Variants in GTPBP4 observed in about 807,000 individuals in gnomAD.
GTPBP4 encodes GTP-binding protein 4.
Under a neutral mutation model 81.7 loss-of-function variants are expected in GTPBP4, and 15 were observed. The ratio of observed to expected loss-of-function variants is 0.18; its 90% CI spans 0.12 to 0.28. The LOEUF is 0.28. Among genes scored for constraint, GTPBP4 ranks in the 10% least tolerant of loss-of-function variants. GTPBP4 has a pLI of 1.00. For missense variants in GTPBP4, 847 were observed against 793.8 expected (o/e 1.07, Z -0.81); for synonymous variants, 272 against 274.6 (o/e 0.99, Z 0.09).
chr10:1,007,411 A>C, intron 10 of GTPBP4: 1 of 284,038 alleles, frequency 3.5e-6, no homozygotes. Context: ...TTCTTTAAAC[A>C]CAGATGGAAA....
At chr10:1,009,152 C>A in intron 11 of GTPBP4, 117 bp downstream of exon 11, 4 of 712,638 alleles carry the variant, frequency 5.6e-6, no homozygotes, top group South Asian at 5.0e-5. Context: ...CTGGCCCCGT[C>A]AGGCTGCGGA....
intron 12 of GTPBP4, among the ~76,000 whole-genome samples, chr10:1,010,088 CGTGTGGGTGTT>C (rs1564470305): frequency 8.0e-5 from 12 of 149,408 alleles, no homozygotes; most frequent in African/African-American, 2.9e-4. Flanking sequence ...GCTTTCTCCA[CGTGTGGGTGTT>C]GAATGAGGCT....
At chr10:999,231 G>T in intron 6 of GTPBP4, 136 bp downstream of exon 6, 1 of 621,760 alleles carries the variant, frequency 1.6e-6, no homozygotes, top group Non-Finnish European at 2.9e-6. Flanking sequence ...TGATTCTCCT[G>T]CCTCAGCCTT....
At chr10:1,016,009 G>A in intron 16 of GTPBP4, 113 bp downstream of exon 16, 3 of 953,140 alleles carry the variant, frequency 3.1e-6, no homozygotes, top group South Asian at 1.5e-5. Context: ...CAGGGGTTGT[G>A]TGTACTGCAT....
At chr10:1,005,962 A>C (rs762217391) in intron 9 of GTPBP4, 55 bp downstream of exon 9, 2 of 886,366 alleles carry the variant, frequency 2.3e-6, no homozygotes, top group Non-Finnish European at 3.6e-6. Context: ...TGTTTGATTC[A>C]AGTCAGTTGT....
In GTPBP4 at chr10:1,010,516, T is replaced by C. The variant is rs1238968824; in HGVS notation, c.1340T>C (p.Met447Thr). 1.4e-6 allele frequency: 2 copies of C among 1,465,782 alleles called. No homozygotes were observed. Among genetic ancestry groups the C allele is most frequent in the African/African-American group, 2.8e-5 (2 of 72,228 alleles). The allele number at this position is 1,465,782 out of a possible 1,614,324, so 90.8% of individuals were successfully genotyped here. Residue 447 changes from methionine to threonine, a missense_variant, in exon 13 of 17, where the codon ATG (methionine) becomes ACG (threonine). By Grantham distance (81) the Met-to-Thr change is moderately conservative (BLOSUM62 -1). Around this residue, in one of 3 missense-constraint regions of GTPBP4, gnomAD observed 600 missense variants for 557.1 expected, o/e 1.08. Coordinates refer to ENST00000360803, the MANE Select transcript of GTPBP4 (RefSeq NM_012341.3). ...GCTGATTATATTGATCCAGCCATCA[T>C]GAAGGTTTGTGTCACTTTTTAAATT... The part of the protein sequence containing the change: ...NIADYIDPAI[M>T]KKLEELEKEE...
chr10:998,888 G>T, intron 5 of GTPBP4, 115 bp from the exon 6 acceptor site: 1 of 683,722 alleles, frequency 1.5e-6, no homozygotes, highest in Admixed American at 2.2e-5. Flanking sequence ...CAGTTTTATC[G>T]TGTGAGGTTT....
chr10:1,007,990 A>G (rs182221582), intron 10 of GTPBP4: 2 of 516,026 alleles, frequency 3.9e-6, no homozygotes, highest in African/African-American at 1.9e-5. Flanking sequence ...TCTTTTTGTC[A>G]CTTGCCTTTT....
At chr10:995,222 G>A (rs1481776572) in intron 2 of GTPBP4, among the ~76,000 whole-genome samples, 1 of 152,228 alleles carries the variant, frequency 6.6e-6, no homozygotes, top group Non-Finnish European at 1.5e-5. Flanking sequence ...GAAGGGTGCT[G>A]TGGGGAGCAT....
Position 1,018,467 on chromosome 10 carries a change from C to T in GTPBP4, c.*1240C>T, listed in dbSNP as rs1832028445. The T allele has an allele frequency of 6.6e-6, 1 of 150,410 alleles. No homozygotes were observed. Among genetic ancestry groups the T allele is most frequent in the Admixed American group, 6.6e-5 (1 of 15,050 alleles). 9.3% of individuals were successfully genotyped at this position (150,410 alleles called of 1,614,324 possible). A position where few individuals can be genotyped will look rare whatever the true frequency, so the allele number is the denominator to read the frequency against. On this transcript the variant is annotated 3_prime_UTR_variant, in exon 17 of 17. Coordinates refer to ENST00000360803, the MANE Select transcript of GTPBP4 (RefSeq NM_012341.3). Reference sequence around the variant, plus strand: ...CCAGGTCTGGTTTTTGAAATTCTTTCTCCGTATTAAACACCAAAACTTAAC... The same window carrying T: ...CCAGGTCTGGTTTTTGAAATTCTTTTTCCGTATTAAACACCAAAACTTAAC...
chr10:988,829 G>A (rs1831389943), intron 1 of GTPBP4: 1 of 339,248 alleles, frequency 2.9e-6, no homozygotes, highest in South Asian at 5.4e-5. Flanking sequence ...GGGGCCCCGG[G>A]TGACGATGTG....
At chr10:1,012,899 T>C (rs1023693475) in intron 14 of GTPBP4, among the ~76,000 whole-genome samples, 1 of 152,222 alleles carries the variant, frequency 6.6e-6, no homozygotes, top group African/African-American at 2.4e-5. Flanking sequence ...CCAGTCATTT[T>C]GCAGTTGTAC....
intron 2 of GTPBP4, among the ~76,000 whole-genome samples, chr10:993,563 T>G (rs1434961905): frequency 6.6e-6 from 1 of 151,798 alleles, no homozygotes. Context: ...TTTCTTTAGC[T>G]GTAGAAAAGC....
At chr10:1,011,683 G>A (rs1163492630) in intron 13 of GTPBP4, among the ~76,000 whole-genome samples, 1 of 152,192 alleles carries the variant, frequency 6.6e-6, no homozygotes. Context: ...AGCAGATTCT[G>A]GGATAGCAGA....
At chr10:989,406 C>T (rs1227236649) in intron 1 of GTPBP4, among the ~76,000 whole-genome samples, 1 of 152,074 alleles carries the variant, frequency 6.6e-6, no homozygotes, top group Non-Finnish European at 1.5e-5. Flanking sequence ...TGAGCCACTG[C>T]GCCCGGCCCT....
chr10:1,016,853 C>T (rs1046680515), intron 16 of GTPBP4, among the ~76,000 whole-genome samples: 4 of 149,106 alleles, frequency 2.7e-5, no homozygotes, highest in African/African-American at 5.1e-5. Flanking sequence ...CTGTGCTGGG[C>T]TTAAGAGAAA....
intron 10 of GTPBP4, chr10:1,008,382 G>A: frequency 2.8e-6 from 1 of 356,196 alleles, no homozygotes; most frequent in Non-Finnish European, 5.5e-6. Context: ...TCCAGCCTGG[G>A]TGACAAGAGT....
chr10:1,019,273 A>G lies in GTPBP4; in HGVS notation c.*2046A>G. On this transcript the variant is annotated 3_prime_UTR_variant, in exon 17 of 17. Transcript: ENST00000360803. ...ATCAAACAAGTGCTTATAAAATGGA[A>G]ATTGGGACAAAGGAAATGTTAAATT... The G allele has an allele frequency of 2.2e-6, 1 of 459,600 alleles. No individual in the cohort carries two copies. The highest frequency in any genetic ancestry group is 3.9e-6 in the Non-Finnish European group (1 of 255,528). The allele number at this position is 459,600 out of a possible 1,614,324, so 28.5% of individuals were successfully genotyped here. A position where few individuals can be genotyped will look rare whatever the true frequency, so the allele number is the denominator to read the frequency against.
chr10:1,011,317 A>G (rs1008172376), intron 13 of GTPBP4, among the ~76,000 whole-genome samples: 7 of 152,206 alleles, frequency 4.6e-5, no homozygotes, highest in Non-Finnish European at 1.0e-4. Flanking sequence ...TTCTTAGCAT[A>G]TAAAAGTCCA....
Sources: allele counts gnomAD v4.1 joint callset (sites outside exome capture counted in the v4.1 genomes callset), GRCh38; gene constraint gnomAD v4.1.1; regional missense constraint gnomAD v4.1.1; transcripts MANE v1.5; gene names NCBI Gene and HGNC (gene_info 2026-07-23, HGNC 2026-07-21).